SYT9: variants seen among roughly 807,000 people sequenced by gnomAD.
SYT9 encodes synaptotagmin-9.
SYT9 carries 22 observed loss-of-function variants against 48.4 expected under a neutral mutation model. That is an observed-to-expected ratio of 0.45 (90% CI 0.32 to 0.65). The LOEUF is 0.65. SYT9 is among the 30% of genes least tolerant of loss of function. The pLI, the probability that SYT9 is intolerant of heterozygous loss-of-function variation, is 0.03. For missense variants in SYT9, 577 were observed against 622.0 expected (o/e 0.93, Z 0.77); for synonymous variants, 265 against 245.0 (o/e 1.08, Z -0.76).
At position 7,260,786 on chromosome 11, in the gene SYT9, G is replaced by A. The variant is rs530261191; in HGVS notation, c.145+8455G>A. Among the ~76,000 whole-genome samples the A allele has an allele frequency of 3.9e-5, 6 of 152,306 alleles. No homozygotes were observed. In the South Asian group the frequency reaches 1.2e-3, roughly 32 times the overall value. ...CAACATATCACCCTGAAACCCAACT[G>A]TAATTACCTTGAATAGTTGTAAATA... On this transcript the variant is annotated intron_variant, in intron 1 of 6. Transcript: ENST00000318881.
rs557842523 is a variant in SYT9, at chr11:7,241,079, G to A, written c.49+2163G>A. Among the ~76,000 whole-genome samples the A allele has an allele frequency of 5.7e-4, 86 of 152,116 alleles. 1 individual carries two copies. The highest frequency in any genetic ancestry group is 2.0e-3 in the African/African-American group (81 of 41,506). On this transcript the variant is annotated intron_variant and NMD_transcript_variant, in intron 1 of 8. Coordinates refer to the SYT9 transcript ENST00000524820. The stretch of plus-strand genomic sequence containing the variant: ...TTAAAAGAAAAAAACTATATTTTTT[G>A]TTATATCCACATGCATCTTGAGACA...
chr11:7,424,645 T>C (rs1214363998), intron 6 of SYT9, among the ~76,000 whole-genome samples: 1 of 152,188 alleles, frequency 6.6e-6, no homozygotes, highest in African/African-American at 2.4e-5. Flanking sequence ...AAATGAAATT[T>C]CACTTTTCTA....
chr11:7,349,691 C>T (rs1849876073), intron 3 of SYT9, among the ~76,000 whole-genome samples: 1 of 152,136 alleles, frequency 6.6e-6, no homozygotes, highest in African/African-American at 2.4e-5. Context: ...AGTGTGTTTT[C>T]CACTTAATTT....
Position 7,466,833 on chromosome 11 carries a change from A to C in SYT9, c.*33A>C, listed in dbSNP as rs749184306. ...TAAGAGGACTGCTTGTGCCAAGGAC[A>C]AAATAGGACAACCATCTCACAAAGA... On this transcript the variant is annotated 3_prime_UTR_variant, in exon 7 of 7. Coordinates refer to ENST00000318881, the MANE Select transcript of SYT9 (RefSeq NM_175733.4). The C allele has an allele frequency of 1.1e-5, 17 of 1,609,512 alleles. No individual in the cohort carries two copies. The highest frequency in any genetic ancestry group is 1.4e-5 in the Non-Finnish European group (17 of 1,178,604).
intron 3 of SYT9, among the ~76,000 whole-genome samples, chr11:7,357,393 A>G (rs17288822): frequency 0.32 from 48,453 of 152,044 alleles, 9,340 homozygotes; most frequent in East Asian, 0.74. Context: ...ATACAAATAA[A>G]GCATAAGACA....
intron 2 of SYT9, among the ~76,000 whole-genome samples, chr11:7,310,234 A>G (rs1188554891): frequency 6.6e-6 from 1 of 151,994 alleles, no homozygotes; most frequent in African/African-American, 2.4e-5. Flanking sequence ...CCTGGGTTTA[A>G]GCGATTCTCC....
intron 3 of SYT9, among the ~76,000 whole-genome samples, chr11:7,377,343 G>C (rs1011996468): frequency 6.6e-6 from 1 of 151,948 alleles, no homozygotes; most frequent in Non-Finnish European, 1.5e-5. Context: ...TCTATTTGAA[G>C]CACATCTGAG....
At chr11:7,417,471 G>T (rs1198308092) in intron 4 of SYT9, among the ~76,000 whole-genome samples, 1 of 152,024 alleles carries the variant, frequency 6.6e-6, no homozygotes, top group Admixed American at 6.6e-5. Context: ...CCACTCTAGG[G>T]GCTCAAGGTC....
At chr11:7,292,389 A>T (rs560115547) in intron 1 of SYT9, among the ~76,000 whole-genome samples, 1 of 152,350 alleles carries the variant, frequency 6.6e-6, no homozygotes, top group African/African-American at 2.4e-5. Context: ...GACAGGTTTT[A>T]TACAGATGCA....
chr11:7,249,769 C>A (rs530436640), upstream of SYT9, among the ~76,000 whole-genome samples: 1 of 152,038 alleles, frequency 6.6e-6, no homozygotes, highest in Non-Finnish European at 1.5e-5. Flanking sequence ...AGATGAGAAA[C>A]CCTAGGCACA....
intron 1 of SYT9, among the ~76,000 whole-genome samples, chr11:7,282,765 A>G (rs1848522567): frequency 6.6e-6 from 1 of 152,022 alleles, no homozygotes; most frequent in Admixed American, 6.6e-5. Context: ...GCCCCTTTTG[A>G]TCCCTTTATG....
intron 3 of SYT9, among the ~76,000 whole-genome samples, chr11:7,390,578 C>A (rs1463614780): frequency 1.3e-5 from 2 of 152,042 alleles, no homozygotes; most frequent in Admixed American, 6.6e-5. Context: ...AATAAAGAAG[C>A]ATAATAAATT....
chr11:7,300,058 C>T (rs143848750), intron 1 of SYT9, among the ~76,000 whole-genome samples: 1 of 152,148 alleles, frequency 6.6e-6, no homozygotes, highest in Non-Finnish European at 1.5e-5. Context: ...AATATAACCC[C>T]TTTTCTCTCC....
At chr11:7,288,289 T>C (rs1245324693) in intron 1 of SYT9, among the ~76,000 whole-genome samples, 1 of 148,922 alleles carries the variant, frequency 6.7e-6, no homozygotes, top group South Asian at 2.1e-4. Context: ...TATGTATTTG[T>C]AAAAAAAAAA....
intron 3 of SYT9, among the ~76,000 whole-genome samples, chr11:7,349,257 G>C (rs1348213096): frequency 6.6e-6 from 1 of 151,994 alleles, no homozygotes; most frequent in Non-Finnish European, 1.5e-5. Flanking sequence ...CAGCATTCTG[G>C]AATAGACAGT....
intron 1 of SYT9, among the ~76,000 whole-genome samples, chr11:7,276,614 G>A (rs957451396): frequency 2.0e-5 from 3 of 152,190 alleles, no homozygotes; most frequent in African/African-American, 7.2e-5. Context: ...TGTCCCCTCA[G>A]CCTAAAATGA....
At chr11:7,332,575 G>A (rs190235363) in intron 3 of SYT9, among the ~76,000 whole-genome samples, 1 of 152,114 alleles carries the variant, frequency 6.6e-6, no homozygotes, top group Non-Finnish European at 1.5e-5. Context: ...AGAGAAGAGG[G>A]ATCCTCTTCC....
chr11:7,362,212 T>G (rs949503736), intron 3 of SYT9, among the ~76,000 whole-genome samples: 9 of 151,004 alleles, frequency 6.0e-5, no homozygotes, highest in Non-Finnish European at 1.0e-4. Flanking sequence ...TGGTGTGATC[T>G]CGGCTTACTG....
rs528663861 is a variant in SYT9, at chr11:7,435,276, T to A, written c.1467+14641T>A. On this transcript the variant is annotated intron_variant, in intron 6 of 6. Transcript: ENST00000318881. The stretch of plus-strand genomic sequence containing the variant: ...AGAAATCACTTTTAGTTCCAGTTGC[T>A]GCTGCCAGAGGAGATGCTTGAGAGC... The A allele has an allele frequency of 7.2e-5, 11 of 152,370 alleles. No homozygotes were observed. In the East Asian group the frequency reaches 2.1e-3, roughly 29 times the overall value. 9.4% of individuals were successfully genotyped at this position (152,370 alleles called of 1,614,324 possible).
Sources: gnomAD v4.1 joint callset for allele counts (sites outside exome capture counted in the v4.1 genomes callset) on GRCh38, gnomAD v4.1.1 for gene constraint, MANE v1.5 for transcripts, NCBI Gene and HGNC (gene_info 2026-07-23, HGNC 2026-07-21) for gene names.